The following CTNNA2 variants were observed in gnomAD, a reference collection of about 807,000 sequenced individuals.
The protein encoded by CTNNA2 is catenin alpha 2, also known as catenin alpha-2.
CTNNA2 carries 42 observed loss-of-function variants against 101.0 expected under a neutral mutation model. The observed-to-expected ratio is 0.42, with a 90% CI of 0.32 to 0.54. The LOEUF is 0.54. Among genes scored for constraint, CTNNA2 ranks in the 20% least tolerant of loss-of-function variants. The pLI, the probability that CTNNA2 is intolerant of heterozygous loss-of-function variation, is 0.14. For missense variants in CTNNA2, 871 were observed against 1,223.1 expected (o/e 0.71, Z 4.29); for synonymous variants, 450 against 456.4 (o/e 0.99, Z 0.18).
Position 80,438,175 on chromosome 2 carries a change from G to A in CTNNA2, c.1290+18574G>A, listed in dbSNP as rs573447282. ...ACAGATGCCATCTCACGGCGCCCTC[G>A]CATGGTCTTTCCTCTATGCTCGCAC... On this transcript the variant is annotated intron_variant, in intron 9 of 18. Transcript: ENST00000402739. Among the ~76,000 whole-genome samples the A allele has an allele frequency of 2.2e-4, 33 of 152,240 alleles. No homozygotes were observed. In the South Asian group the frequency reaches 6.8e-3, roughly 32 times the overall value.
At chr2:80,355,773 T>C (rs1673730244) in intron 7 of CTNNA2, among the ~76,000 whole-genome samples, 1 of 152,160 alleles carries the variant, frequency 6.6e-6, no homozygotes, top group Non-Finnish European at 1.5e-5. Context: ...TTTGAACTCT[T>C]ATATAATTTT....
Position 80,586,879 on chromosome 2 carries a change from T to A in CTNNA2, c.2008-2425T>A, listed in dbSNP as rs1223665849. Among the ~76,000 whole-genome samples, 3 of 152,166 alleles carry A rather than the reference T, an allele frequency of 2.0e-5. No homozygotes were observed. The East Asian group carries it at 5.8e-4, about 29-fold the overall frequency. On this transcript the variant is annotated intron_variant, in intron 14 of 18. Transcript: ENST00000402739. ...TAGATGTGGCTACTAGTAAGAAGCA[T>A]CTGGGCAGCCACGGGTTCAAGGATA...
At chr2:79,704,967 C>T (rs117594603) in intron 2 of CTNNA2, among the ~76,000 whole-genome samples, 2 of 152,252 alleles carry the variant, frequency 1.3e-5, no homozygotes, top group East Asian at 3.9e-4. Flanking sequence ...TACACCAGTG[C>T]TTCTCAACCT....
At chr2:79,423,844 G>A (rs1024642505) in intron 4 of CTNNA2, among the ~76,000 whole-genome samples, 4 of 152,068 alleles carry the variant, frequency 2.6e-5, no homozygotes, top group East Asian at 1.9e-4. Flanking sequence ...TAATCGGGAC[G>A]CTTGTTAATT....
chr2:79,330,601 A>T (rs1371681730), intron 3 of CTNNA2, among the ~76,000 whole-genome samples: 1 of 152,190 alleles, frequency 6.6e-6, no homozygotes, highest in East Asian at 1.9e-4. Context: ...TGTAGCTCCC[A>T]GAATTCCCAC....
chr2:79,527,475 A>C (rs1672480762), intron 1 of CTNNA2, among the ~76,000 whole-genome samples: 1 of 52,980 alleles, frequency 1.9e-5, no homozygotes, highest in Non-Finnish European at 3.4e-5. Context: ...CTAAAAATAC[A>C]AAAAAAAAAA....
intron 18 of CTNNA2, among the ~76,000 whole-genome samples, chr2:80,630,233 C>T (rs1672130843): frequency 6.6e-6 from 1 of 152,174 alleles, no homozygotes; most frequent in Admixed American, 6.5e-5. Flanking sequence ...GGTAAAATGG[C>T]TTTCACTTCT....
intron 1 of CTNNA2, among the ~76,000 whole-genome samples, chr2:79,644,044 T>C (rs547180472): frequency 6.6e-6 from 1 of 152,136 alleles, no homozygotes; most frequent in South Asian, 2.1e-4. Context: ...TTGTTTTGTT[T>C]TGTTTTGTTT....
chr2:79,415,829 G>A (rs1013303545), intron 4 of CTNNA2, among the ~76,000 whole-genome samples: 2 of 151,948 alleles, frequency 1.3e-5, no homozygotes, highest in Non-Finnish European at 2.9e-5. Context: ...ACCTTTTGTA[G>A]GTAAAATCTT....
chr2:80,036,773 A>G (rs939378377), intron 7 of CTNNA2, among the ~76,000 whole-genome samples: 2 of 151,932 alleles, frequency 1.3e-5, no homozygotes, highest in Admixed American at 6.6e-5. Flanking sequence ...AAAAATGGAC[A>G]AAAGAGAATA....
At chr2:79,886,620 G>A (rs1376189762) in intron 6 of CTNNA2, among the ~76,000 whole-genome samples, 7 of 150,846 alleles carry the variant, frequency 4.6e-5, no homozygotes, top group African/African-American at 1.2e-4. Context: ...GCGTGGTGGC[G>A]GGCACCTGTA....
At chr2:79,974,157 G>T (rs1690678881) in intron 7 of CTNNA2, among the ~76,000 whole-genome samples, 1 of 151,978 alleles carries the variant, frequency 6.6e-6, no homozygotes, top group Non-Finnish European at 1.5e-5. Flanking sequence ...GTATCACCTT[G>T]GGAAACTTAG....
At chr2:79,320,277 T>TA (rs2104408389) in intron 3 of CTNNA2, among the ~76,000 whole-genome samples, 1 of 150,954 alleles carries the variant, frequency 6.6e-6, no homozygotes, top group Admixed American at 6.6e-5. Flanking sequence ...TTTTTTTTTT[T>TA]TTTTTTTACC....
intron 7 of CTNNA2, among the ~76,000 whole-genome samples, chr2:80,107,277 G>T (rs555512991): frequency 2.0e-5 from 3 of 152,124 alleles, no homozygotes; most frequent in Non-Finnish European, 2.9e-5. Context: ...GGCTCACCCT[G>T]CTCCCCATCC....
intron 7 of CTNNA2, among the ~76,000 whole-genome samples, chr2:79,966,914 C>A (rs903113070): frequency 6.6e-6 from 1 of 152,068 alleles, no homozygotes. Flanking sequence ...TTTTCCAGAA[C>A]CACTTTCCTG....
At chr2:80,529,767 A>T (rs1291121836) in intron 9 of CTNNA2, among the ~76,000 whole-genome samples, 1 of 152,150 alleles carries the variant, frequency 6.6e-6, no homozygotes, top group Non-Finnish European at 1.5e-5. Context: ...CAGAACACCA[A>T]CTTAAGCTTT....
At chr2:79,838,427 A>C (rs2103826570) in intron 3 of CTNNA2, among the ~76,000 whole-genome samples, 1 of 152,256 alleles carries the variant, frequency 6.6e-6, no homozygotes, top group Non-Finnish European at 1.5e-5. Flanking sequence ...AAAATACAGA[A>C]GGGGTTTCCA....
At chr2:79,462,176 A>G (rs1173638098) in intron 4 of CTNNA2, among the ~76,000 whole-genome samples, 1 of 152,184 alleles carries the variant, frequency 6.6e-6, no homozygotes, top group Non-Finnish European at 1.5e-5. Flanking sequence ...AAAAGATAAG[A>G]CTTATGATTG....
At chr2:79,926,551 A>G (rs1238941140) in intron 7 of CTNNA2, among the ~76,000 whole-genome samples, 1 of 152,122 alleles carries the variant, frequency 6.6e-6, no homozygotes, top group Non-Finnish European at 1.5e-5. Flanking sequence ...CCACTGGCTG[A>G]ATAAATCAGG....
Sources: gnomAD v4.1 joint callset for allele counts (sites outside exome capture counted in the v4.1 genomes callset) on GRCh38, gnomAD v4.1.1 for gene constraint, MANE v1.5 for transcripts, NCBI Gene and HGNC (gene_info 2026-07-23, HGNC 2026-07-21) for gene names.